ST6GAL1: variants seen among roughly 807,000 people sequenced by gnomAD.
The protein encoded by ST6GAL1 is beta-galactoside alpha-2,6-sialyltransferase 1.
Under a neutral mutation model 38.0 loss-of-function variants are expected in ST6GAL1, and 20 were observed. The ratio of observed to expected loss-of-function variants is 0.53; its 90% CI spans 0.37 to 0.77. ST6GAL1 has a LOEUF of 0.77. ST6GAL1 is among the 30% of genes least tolerant of loss of function. The pLI is 0.00. For synonymous variants in ST6GAL1, 196 were observed against 188.2 expected (o/e 1.04, Z -0.34); for missense variants, 432 against 496.4 (o/e 0.87, Z 1.23).
intron 5 of ST6GAL1, among the ~76,000 whole-genome samples, chr3:187,069,131 T>A (rs968967903): frequency 2.1e-4 from 32 of 151,770 alleles, no homozygotes; most frequent in African/African-American, 7.7e-4. Context: ...TCCTTGAACT[T>A]CTTCTTTTTT....
intron 1 of ST6GAL1, among the ~76,000 whole-genome samples, chr3:186,951,007 A>G (rs1179087432): frequency 6.6e-6 from 1 of 152,210 alleles, no homozygotes; most frequent in East Asian, 1.9e-4. Flanking sequence ...TACCTACTCC[A>G]CAAATCTGAG....
intron 5 of ST6GAL1, among the ~76,000 whole-genome samples, chr3:187,063,875 T>C (rs1391705200): frequency 6.6e-6 from 1 of 152,208 alleles, no homozygotes. Context: ...TTTCCCTTAC[T>C]TGTAACACAG....
chr3:187,042,161 A>G (rs969197016), intron 3 of ST6GAL1, among the ~76,000 whole-genome samples: 2 of 151,406 alleles, frequency 1.3e-5, no homozygotes, highest in Non-Finnish European at 2.9e-5. Flanking sequence ...GCCACTTACT[A>G]TTTTAGGAAG....
chr3:187,020,237 A>G (rs1352152734), intron 2 of ST6GAL1, among the ~76,000 whole-genome samples: 1 of 152,178 alleles, frequency 6.6e-6, no homozygotes, highest in African/African-American at 2.4e-5. Context: ...TGGAGGTTGC[A>G]GTGAGCCGAG....
intron 4 of ST6GAL1, 79 bp from the exon 5 acceptor site, chr3:187,051,170 T>C (rs1718499648): frequency 2.1e-5 from 24 of 1,158,042 alleles, no homozygotes; most frequent in Admixed American, 7.0e-5. Flanking sequence ...CCTTGCCCCC[T>C]CCCCCGCCTC....
intron 5 of ST6GAL1, among the ~76,000 whole-genome samples, chr3:187,069,660 CT>C (rs1311082605): frequency 1.3e-5 from 2 of 152,172 alleles, no homozygotes; most frequent in Non-Finnish European, 2.9e-5. Context: ...ATGTTTAGAT[CT>C]TCCTTACTTA....
chr3:187,069,929 A>G lies in ST6GAL1; in HGVS notation c.706-2920A>G, dbSNP rs796758423. On this transcript the variant is annotated intron_variant, in intron 5 of 7. Coordinates refer to ENST00000169298, the MANE Select transcript of ST6GAL1 (RefSeq NM_173216.2). ...AAAGAAGTCCAAAAGTAGACATTCC[A>G]AACTTAATATGGTGTTCCAGTGTCA... Among the ~76,000 whole-genome samples, 27 of 152,330 alleles carry G rather than the reference A, an allele frequency of 1.8e-4. 2 individuals are homozygous for G. The highest frequency in any genetic ancestry group is 6.0e-4 in the African/African-American group (25 of 41,582).
chr3:187,066,405 C>G (rs1021366126), intron 5 of ST6GAL1, among the ~76,000 whole-genome samples: 2 of 152,066 alleles, frequency 1.3e-5, no homozygotes, highest in African/African-American at 2.4e-5. Flanking sequence ...AGGGCCCCAC[C>G]ACATGACACA....
chr3:187,057,366 C>T (rs1718742027), intron 5 of ST6GAL1, among the ~76,000 whole-genome samples: 1 of 152,230 alleles, frequency 6.6e-6, no homozygotes, highest in South Asian at 2.1e-4. Flanking sequence ...AGCTGCGATC[C>T]TTTGGAGGCA....
At chr3:187,071,776 CAAA>C (rs11330261) in intron 5 of ST6GAL1, among the ~76,000 whole-genome samples, 1 of 72,322 alleles carries the variant, frequency 1.4e-5, no homozygotes. Flanking sequence ...GACTCCGCCT[CAAA>C]AAAAAAAAAA....
intron 5 of ST6GAL1, among the ~76,000 whole-genome samples, chr3:187,066,081 G>A (rs540840609): frequency 4.6e-5 from 7 of 152,204 alleles, no homozygotes; most frequent in Non-Finnish European, 1.0e-4. Flanking sequence ...TTGGCAGGGC[G>A]GGTGGGAGGT....
chr3:186,971,088 G>T, intron 2 of ST6GAL1, among the ~76,000 whole-genome samples: 1 of 152,116 alleles, frequency 6.6e-6, no homozygotes, highest in East Asian at 1.9e-4. Flanking sequence ...CTCAACTTTA[G>T]CTGTTCCCTT....
intron 5 of ST6GAL1, among the ~76,000 whole-genome samples, chr3:187,068,531 T>C (rs1412245224): frequency 1.3e-5 from 2 of 152,178 alleles, no homozygotes; most frequent in African/African-American, 4.8e-5. Context: ...TGAGTTGAGG[T>C]ATGACAGTAC....
intron 2 of ST6GAL1, among the ~76,000 whole-genome samples, chr3:187,021,625 A>G (rs1335980004): frequency 6.6e-6 from 1 of 151,628 alleles, no homozygotes; most frequent in Non-Finnish European, 1.5e-5. Flanking sequence ...CTGTAATCCC[A>G]GCTACTCGGG....
At chr3:187,007,187 G>A (rs922532982) in intron 2 of ST6GAL1, among the ~76,000 whole-genome samples, 3 of 152,178 alleles carry the variant, frequency 2.0e-5, no homozygotes, top group Non-Finnish European at 4.4e-5. Context: ...CTAAGAGTCC[G>A]AGATAACTCC....
chr3:187,071,012 G>T (rs1228051556), intron 5 of ST6GAL1, among the ~76,000 whole-genome samples: 1 of 152,220 alleles, frequency 6.6e-6, no homozygotes. Flanking sequence ...TGGGCATGGG[G>T]ATAGCTCAGT....
At chr3:187,006,183 T>A (rs147721722) in intron 2 of ST6GAL1, 1 of 152,202 alleles carries the variant, frequency 6.6e-6, no homozygotes, top group Non-Finnish European at 1.5e-5. Flanking sequence ...CCAGTTCCAT[T>A]TGCCTCTTAC....
intron 2 of ST6GAL1, among the ~76,000 whole-genome samples, chr3:187,021,504 C>T (rs148618363): frequency 0.07 from 10,592 of 151,864 alleles, 425 homozygotes; most frequent in Middle Eastern, 0.12. Flanking sequence ...CTTTGGGAGG[C>T]CGAGGTGGGT....
At position 186,990,356 on chromosome 3, in the gene ST6GAL1, T is replaced by C. The variant is rs79788592; in HGVS notation, c.-183+26430T>C. 7.2e-3 allele frequency among the ~76,000 whole-genome samples: 1,103 copies of C among 152,334 alleles called. 19 individuals are homozygous for C. Among genetic ancestry groups the C allele is most frequent in the African/African-American group, 0.025 (1,048 of 41,584 alleles). ...GCCTAAAGCTTCTCATCTCTATCTA[T>C]TGAATGCAGGTGACTCATTTCCACC... On this transcript the variant is annotated intron_variant, in intron 2 of 7. Coordinates refer to ENST00000169298, the MANE Select transcript of ST6GAL1 (RefSeq NM_173216.2).
Sources: allele counts gnomAD v4.1 joint callset (sites outside exome capture counted in the v4.1 genomes callset), GRCh38; gene constraint gnomAD v4.1.1; transcripts MANE v1.5; gene names NCBI Gene and HGNC (gene_info 2026-07-23, HGNC 2026-07-21).